Variants in HLCS observed in about 807,000 individuals in gnomAD.
HLCS encodes biotin--protein ligase.
A neutral mutation model predicts 75.0 loss-of-function variants in HLCS; 53 were observed. That is an observed-to-expected ratio of 0.71 (90% confidence interval 0.57 to 0.89). HLCS has a LOEUF of 0.89. Among genes scored for constraint, HLCS ranks in the 40% least tolerant of loss-of-function variants. The pLI, the probability that HLCS is intolerant of heterozygous loss-of-function variation, is 0.00. For missense variants in HLCS, 966 were observed against 1,074.0 expected (o/e 0.90, Z 1.41); for synonymous variants, 431 against 428.6 (o/e 1.01, Z -0.07).
intron 6 of HLCS, among the ~76,000 whole-genome samples, chr21:36,858,826 C>T (rs2063289556): frequency 6.6e-6 from 1 of 152,168 alleles, no homozygotes; most frequent in Admixed American, 6.5e-5. Flanking sequence ...ATGCACAACG[C>T]ACCAGAGGCT....
intron 6 of HLCS, among the ~76,000 whole-genome samples, chr21:36,893,945 CA>C (rs1381224754): frequency 1.3e-5 from 2 of 152,192 alleles, no homozygotes; most frequent in Admixed American, 1.3e-4. Context: ...ACTATGTTTC[CA>C]TAAGTATAGC....
intron 6 of HLCS, among the ~76,000 whole-genome samples, chr21:36,868,372 G>C (rs1165654546): frequency 1.3e-5 from 2 of 151,938 alleles, no homozygotes; most frequent in Non-Finnish European, 2.9e-5. Flanking sequence ...TCCTGACAGT[G>C]ATTATAGAGG....
intron 2 of HLCS, among the ~76,000 whole-genome samples, chr21:36,958,353 T>C (rs1210868166): frequency 1.3e-5 from 2 of 152,208 alleles, no homozygotes; most frequent in African/African-American, 4.8e-5. Flanking sequence ...ACAAGTACTG[T>C]TTGACTGGAC....
chr21:36,976,385 AAGTC>A (rs763498521), intron 1 of HLCS, among the ~76,000 whole-genome samples: 32 of 148,872 alleles, frequency 2.1e-4, no homozygotes, highest in Non-Finnish European at 3.7e-4. Context: ...TGTTTTAAGG[AAGTC>A]AGTCACACAC....
chr21:36,837,017 C>T (rs1221512201), intron 6 of HLCS, among the ~76,000 whole-genome samples: 1 of 152,060 alleles, frequency 6.6e-6, no homozygotes, highest in Non-Finnish European at 1.5e-5. Flanking sequence ...AACCCCATGT[C>T]TACAAAAATA....
intron 6 of HLCS, among the ~76,000 whole-genome samples, chr21:36,829,172 A>G: frequency 6.6e-6 from 1 of 152,178 alleles, no homozygotes; most frequent in Admixed American, 6.6e-5. Context: ...TGTCAGTTCT[A>G]CTGGATTCCT....
chr21:36,912,185 A>C (rs1214654197), intron 5 of HLCS, among the ~76,000 whole-genome samples: 1 of 152,184 alleles, frequency 6.6e-6, no homozygotes. Flanking sequence ...TGTGCCAATG[A>C]TCATGGCAGC....
Position 36,753,974 on chromosome 21 carries a change from G to C in HLCS, c.*272C>G, listed in dbSNP as rs76983917. 1.9e-5 allele frequency: 10 copies of C among 523,564 alleles called. No homozygotes were observed. Among genetic ancestry groups the C allele is most frequent in the Admixed American group, 6.5e-5 (2 of 30,798 alleles). The allele number at this position is 523,564 out of a possible 1,614,324, so 32.4% of individuals were successfully genotyped here. A position where few individuals can be genotyped will look rare whatever the true frequency, so the allele number is the denominator to read the frequency against. ...GTAAAAACTCCCCTTGACAATAAACGTAAGTCCAAGCCACAGAGGGGAGAG... is the reference window on the plus strand; with the variant it reads ...GTAAAAACTCCCCTTGACAATAAACCTAAGTCCAAGCCACAGAGGGGAGAG... On this transcript the variant is annotated 3_prime_UTR_variant, in exon 11 of 11. Transcript: ENST00000674895. This position sits in a 1 kb window ranked among gnomAD's most constrained non-coding sequence, Gnocchi z 4.3.
At chr21:36,820,533 C>A (rs1239317096) in intron 6 of HLCS, among the ~76,000 whole-genome samples, 1 of 152,268 alleles carries the variant, frequency 6.6e-6, no homozygotes, top group Admixed American at 6.5e-5. Flanking sequence ...ACTGTCATGA[C>A]CCAGCCAGGT....
intron 5 of HLCS, among the ~76,000 whole-genome samples, chr21:36,910,907 C>T (rs747992156): frequency 6.6e-6 from 1 of 152,126 alleles, no homozygotes; most frequent in Admixed American, 6.5e-5. Flanking sequence ...TAGCCCCAAG[C>T]ACCGGCACAC....
Position 36,897,015 on chromosome 21 carries a change from T to C in HLCS, c.1737A>G (p.Ile579Met), listed in dbSNP as rs1313876588. The C allele has an allele frequency of 1.2e-6, 2 of 1,614,210 alleles. No individual in the cohort carries two copies. The highest frequency in any genetic ancestry group is 1.3e-5 in the African/African-American group (1 of 75,052). The change falls in exon 6 of 11, where the codon ATA becomes ATG. Residue 579 changes from isoleucine (I) to methionine (M), a missense_variant. Physicochemically the swap from Ile to Met is conservative, Grantham distance 10. Transcript: ENST00000674895. The part of the protein sequence containing the change: ...FVSSYVSEVE[I>M]TPSCIPVVTN... ...TCACCACAGGTATACAAGATGGGGT[T>C]ATTTCTACTTCAGACACGTAGGATG... is the stretch of plus-strand genomic sequence containing the variant.
At chr21:36,888,478 A>C (rs1601635942) in intron 6 of HLCS, among the ~76,000 whole-genome samples, 1 of 80,130 alleles carries the variant, frequency 1.2e-5, no homozygotes, top group African/African-American at 4.2e-5. Flanking sequence ...ATATATATAT[A>C]TATATATATA....
intron 6 of HLCS, among the ~76,000 whole-genome samples, chr21:36,816,577 G>A (rs1052507809): frequency 3.3e-5 from 5 of 152,124 alleles, no homozygotes; most frequent in African/African-American, 9.7e-5. Flanking sequence ...CTGAAGCTGG[G>A]GACTAACCAT....
intron 6 of HLCS, among the ~76,000 whole-genome samples, chr21:36,831,444 G>T (rs536167992): frequency 3.3e-5 from 5 of 152,180 alleles, no homozygotes; most frequent in African/African-American, 1.2e-4. Flanking sequence ...CTTTGGGAGG[G>T]CGAGGTGGGC....
chr21:36,862,983 T>A (rs1601550472), intron 6 of HLCS, among the ~76,000 whole-genome samples: 1 of 151,486 alleles, frequency 6.6e-6, no homozygotes, highest in South Asian at 2.1e-4. Context: ...GGTCTCATTA[T>A]GTTGCTCAGG....
At chr21:36,782,479 A>G (rs2145842231) in intron 6 of HLCS, among the ~76,000 whole-genome samples, 1 of 152,256 alleles carries the variant, frequency 6.6e-6, no homozygotes, top group South Asian at 2.1e-4. Context: ...TTACCTTAAT[A>G]CTCCAGACAA....
chr21:36,882,433 TTTTTGTTTTG>T (rs759125103), intron 6 of HLCS, among the ~76,000 whole-genome samples: 1 of 151,618 alleles, frequency 6.6e-6, no homozygotes, highest in Admixed American at 6.6e-5. Flanking sequence ...TTTTGGGGTT[TTTTTGTTTTG>T]TTTTGTTTTG....
intron 2 of HLCS, among the ~76,000 whole-genome samples, chr21:36,960,130 C>CA (rs2068204208): frequency 3.8e-4 from 6 of 15,662 alleles, no homozygotes; most frequent in African/African-American, 1.6e-3. Flanking sequence ...TGGAGCCACC[C>CA]ACCCCCCCCC....
chr21:36,930,136 C>T (rs1601778048), intron 5 of HLCS, 115 bp downstream of exon 5: 1 of 986,568 alleles, frequency 1.0e-6, no homozygotes, highest in East Asian at 2.4e-5. Context: ...AACCCGAAGT[C>T]AAAACAGAAA....
Sources: allele counts gnomAD v4.1 joint callset (sites outside exome capture counted in the v4.1 genomes callset), GRCh38; gene constraint gnomAD v4.1.1; non-coding constraint Gnocchi (gnomAD v3.1); transcripts MANE v1.5; gene names NCBI Gene and HGNC (gene_info 2026-07-23, HGNC 2026-07-21).